FNIP2: variants seen among roughly 807,000 people sequenced by gnomAD.
FNIP2 encodes the protein folliculin interacting protein 2, also known as folliculin-interacting protein 2.
FNIP2 carries 32 observed loss-of-function variants against 108.7 expected under a neutral mutation model. The ratio of observed to expected loss-of-function variants is 0.29; its 90% CI spans 0.22 to 0.40. FNIP2 has a LOEUF of 0.40. FNIP2 is among the 10% of genes least tolerant of loss of function. The probability of loss-of-function intolerance (pLI) is 1.00; values close to 1 mark genes in which losing one functional copy is unlikely to be tolerated. For missense variants in FNIP2, 1,202 were observed against 1,381.6 expected (o/e 0.87, Z 2.06); for synonymous variants, 480 against 496.7 (o/e 0.97, Z 0.45).
chr4:158,890,230 A>T, intron 14 of FNIP2: 2 of 985,240 alleles, frequency 2.0e-6, no homozygotes, highest in Non-Finnish European at 2.4e-6. Flanking sequence ...CAATGGGAAA[A>T]ATATAAATCC....
rs185750268 is a variant in FNIP2, at chr4:158,907,947, T to C, written c.*3403T>C. 106 of 152,372 alleles carry C rather than the reference T, an allele frequency of 7.0e-4. 1 individual carries two copies. The highest frequency in any genetic ancestry group is 2.3e-3 in the African/African-American group (96 of 41,590). 9.4% of individuals were successfully genotyped at this position (152,372 alleles called of 1,614,324 possible). On this transcript the variant is annotated 3_prime_UTR_variant, in exon 17 of 17. Transcript: ENST00000264433. ...TTCGTTTTTGATCAGTCTGAATAGA[T>C]ACCAATGTCATTGTGTGGGAATTTT... is the stretch of plus-strand genomic sequence containing the variant.
chr4:158,825,546 C>G (rs1047904992), intron 1 of FNIP2, among the ~76,000 whole-genome samples: 5 of 152,220 alleles, frequency 3.3e-5, no homozygotes, highest in African/African-American at 1.2e-4. Flanking sequence ...TCCTTTAACT[C>G]GGATATGCTG....
At chr4:158,831,805 TTGCA>T (rs754081170) in intron 3 of FNIP2, 52 bp from the exon 4 acceptor site, 11 of 1,078,668 alleles carry the variant, frequency 1.0e-5, no homozygotes, top group Non-Finnish European at 1.5e-5. Flanking sequence ...TTATTTTCTG[TTGCA>T]TTGCATGTCA....
chr4:158,773,060 A>G (rs1561273317), intron 1 of FNIP2, among the ~76,000 whole-genome samples: 1 of 152,170 alleles, frequency 6.6e-6, no homozygotes. Context: ...AGATGCAAGT[A>G]TTTCTAATGA....
intron 9 of FNIP2, 64 bp from the exon 10 acceptor site, chr4:158,859,514 C>A: frequency 2.2e-6 from 3 of 1,350,512 alleles, no homozygotes; most frequent in South Asian, 2.6e-5. Context: ...TTTATTAATA[C>A]AGCCCAGTAG....
chr4:158,881,613 A>T (rs1277872809), intron 14 of FNIP2, among the ~76,000 whole-genome samples: 1 of 152,152 alleles, frequency 6.6e-6, no homozygotes, highest in Non-Finnish European at 1.5e-5. Flanking sequence ...GCCACGCCTG[A>T]CTGGTTTTCG....
At chr4:158,832,221 G>A (rs550985064) in intron 5 of FNIP2, 83 bp downstream of exon 5, 8 of 1,124,910 alleles carry the variant, frequency 7.1e-6, no homozygotes, top group Middle Eastern at 2.0e-4. Flanking sequence ...GGGCCATAAG[G>A]CATTTTGAAA....
intron 3 of FNIP2, among the ~76,000 whole-genome samples, chr4:158,830,248 CTTTTTTTTTTTT>C (rs35746599): frequency 1.6e-5 from 1 of 64,012 alleles, no homozygotes; most frequent in African/African-American, 6.0e-5. Flanking sequence ...ATTTATCTTT[CTTTTTTTTTTTT>C]TTTTTTTTTT....
At chr4:158,848,809 A>C (rs1339308937) in intron 7 of FNIP2, among the ~76,000 whole-genome samples, 1 of 152,220 alleles carries the variant, frequency 6.6e-6, no homozygotes, top group Admixed American at 6.5e-5. Context: ...GAAATTCTGG[A>C]GTTGAAAAAT....
At chr4:158,769,380 G>T in intron 1 of FNIP2, 61 bp downstream of exon 1, 1 of 1,173,090 alleles carries the variant, frequency 8.5e-7, no homozygotes, top group South Asian at 1.6e-5. Flanking sequence ...GTGCTCGCCG[G>T]GGAGGGGACG....
At chr4:158,781,736 C>G (rs987555078) in intron 1 of FNIP2, among the ~76,000 whole-genome samples, 18 of 152,150 alleles carry the variant, frequency 1.2e-4, no homozygotes, top group Admixed American at 9.8e-4. Flanking sequence ...AGGCTGGTCT[C>G]GAACTCCTGG....
chr4:158,829,013 T>C (rs1778311633), intron 2 of FNIP2, 66 bp from the exon 3 acceptor site: 19 of 1,308,560 alleles, frequency 1.5e-5, no homozygotes, highest in Non-Finnish European at 1.9e-5. Flanking sequence ...GAATTCCCAA[T>C]GAAGAACTGT....
intron 12 of FNIP2, among the ~76,000 whole-genome samples, chr4:158,865,994 CA>C (rs1303969972): frequency 1.3e-5 from 2 of 151,452 alleles, no homozygotes; most frequent in East Asian, 1.9e-4. Context: ...TAATGGGTCC[CA>C]GGGGGAGGTA....
At chr4:158,848,656 GAC>G (rs1318652831) in intron 7 of FNIP2, among the ~76,000 whole-genome samples, 1 of 152,180 alleles carries the variant, frequency 6.6e-6, no homozygotes, top group East Asian at 1.9e-4. Flanking sequence ...GTCCTGGAGA[GAC>G]AGAGATATGT....
At chr4:158,788,222 C>T (rs1776284881) in intron 1 of FNIP2, among the ~76,000 whole-genome samples, 1 of 152,208 alleles carries the variant, frequency 6.6e-6, no homozygotes, top group Admixed American at 6.5e-5. Context: ...TACTCTGATT[C>T]CTGGAAGCCT....
At chr4:158,810,217 C>T (rs190572350) in intron 1 of FNIP2, among the ~76,000 whole-genome samples, 42 of 152,158 alleles carry the variant, frequency 2.8e-4, no homozygotes, top group Non-Finnish European at 5.6e-4. Flanking sequence ...AGTGTGAAAA[C>T]CACTCTACCC....
intron 1 of FNIP2, among the ~76,000 whole-genome samples, chr4:158,769,688 G>A (rs929295424): frequency 5.6e-4 from 85 of 152,316 alleles, no homozygotes; most frequent in African/African-American, 1.9e-3. Context: ...GCAAAGCTGT[G>A]AGCTGTCATT....
At chr4:158,782,022 A>G (rs1578817302) in intron 1 of FNIP2, among the ~76,000 whole-genome samples, 1 of 152,206 alleles carries the variant, frequency 6.6e-6, no homozygotes, top group Admixed American at 6.5e-5. Flanking sequence ...TTCAATATGT[A>G]GTGACTCTTA....
intron 5 of FNIP2, 21 bp downstream of exon 5, chr4:158,832,159 T>G: frequency 6.3e-7 from 1 of 1,584,920 alleles, no homozygotes; most frequent in Non-Finnish European, 8.7e-7. Context: ...GATTTTGCAT[T>G]CCCCACCCCC....
Sources: gnomAD v4.1 joint callset for allele counts (sites outside exome capture counted in the v4.1 genomes callset) on GRCh38, gnomAD v4.1.1 for gene constraint, MANE v1.5 for transcripts, NCBI Gene and HGNC (gene_info 2026-07-23, HGNC 2026-07-21) for gene names.